GRID1: variants seen among roughly 807,000 people sequenced by gnomAD.
GRID1 encodes glutamate receptor ionotropic, delta-1.
GRID1 carries 28 observed loss-of-function variants against 98.0 expected under a neutral mutation model. The observed-to-expected ratio is 0.29, with a 90% CI of 0.21 to 0.39. The LOEUF (loss-of-function observed/expected upper bound fraction) is 0.39. GRID1 is among the 10% of genes least tolerant of loss of function. GRID1 has a pLI of 1.00. For synonymous variants in GRID1, 553 were observed against 538.5 expected, an observed-to-expected ratio of 1.03 and a Z score of -0.37; for missense variants, 1,111 against 1,340.5, an observed-to-expected ratio of 0.83 and a Z score of 2.67.
intron 8 of GRID1, among the ~76,000 whole-genome samples, chr10:85,826,896 A>C (rs187895251): frequency 6.6e-6 from 1 of 152,166 alleles, no homozygotes; most frequent in Non-Finnish European, 1.5e-5. Context: ...TCTTCCCGAA[A>C]TAAAGCTAGT....
chr10:86,175,599 C>A (rs902796472), intron 3 of GRID1, among the ~76,000 whole-genome samples: 2 of 152,226 alleles, frequency 1.3e-5, no homozygotes, highest in Non-Finnish European at 2.9e-5. Flanking sequence ...CCGCTGTTAA[C>A]CCGGTGGTTG....
intron 8 of GRID1, among the ~76,000 whole-genome samples, chr10:85,830,644 G>C (rs1355826120): frequency 6.6e-6 from 1 of 152,016 alleles, no homozygotes; most frequent in East Asian, 1.9e-4. Context: ...CCATTAAAAA[G>C]TGGGAAAAGG....
At position 85,824,413 on chromosome 10, in the gene GRID1, T is replaced by C. The variant is rs117111210; in HGVS notation, c.1233+30083A>G. Among the ~76,000 whole-genome samples, 1,182 of 152,326 alleles carry C rather than the reference T, an allele frequency of 7.8e-3. 29 individuals carry two copies. In the East Asian group the frequency reaches 0.08, roughly 10 times the overall value. On this transcript the variant is annotated intron_variant, in intron 8 of 15. Transcript: ENST00000327946. ...TTCTAGTAGAGATGGTGCTTCACCA[T>C]GTTGGCCAGGCTAGTCTCGAATTCC... is the stretch of plus-strand genomic sequence containing the variant.
intron 4 of GRID1, among the ~76,000 whole-genome samples, chr10:86,113,106 G>A (rs1311972748): frequency 6.6e-6 from 1 of 152,130 alleles, no homozygotes; most frequent in Non-Finnish European, 1.5e-5. Context: ...AATGATATTT[G>A]TTCTGCTTTC....
In GRID1 at chr10:85,602,000, A is replaced by C; in HGVS notation, c.*273T>G. On this transcript the variant is annotated 3_prime_UTR_variant, in exon 16 of 16. Transcript: ENST00000327946. The stretch of plus-strand genomic sequence containing the variant: ...TTGGCACTTCAGAATGATCACAAGT[A>C]ATTTGCCTTTTTATTCATATAGAAC... 1 of 383,230 alleles carries C rather than the reference A, an allele frequency of 2.6e-6. No individual in the cohort carries two copies. Among genetic ancestry groups the C allele is most frequent in the East Asian group, 3.8e-5 (1 of 26,310 alleles). The allele number at this position is 383,230 out of a possible 1,614,324, so 23.7% of individuals were successfully genotyped here.
chr10:86,033,385 C>A (rs1454879830), intron 4 of GRID1, among the ~76,000 whole-genome samples: 1 of 152,150 alleles, frequency 6.6e-6, no homozygotes, highest in African/African-American at 2.4e-5. Context: ...GTCATGGAAG[C>A]CCATGAGGAT....
rs373068821 is a variant in GRID1 at position 85,669,896 on chromosome 10, G to T, written c.1998-22499C>A. On this transcript the variant is annotated intron_variant, in intron 12 of 15. Coordinates refer to ENST00000327946, the MANE Select transcript of GRID1 (RefSeq NM_017551.3). ...AGCTTAGGGAAAGTAGACTGCTCTG[G>T]CTTGATTCTGCTTTTCATGCAGCAT... Among the ~76,000 whole-genome samples, 7 of 152,304 alleles carry T rather than the reference G, an allele frequency of 4.6e-5. No homozygotes were observed. The East Asian group carries it at 9.6e-4, about 21-fold the overall frequency.
intron 4 of GRID1, among the ~76,000 whole-genome samples, chr10:85,958,696 A>T (rs1394974818): frequency 6.6e-6 from 1 of 152,124 alleles, no homozygotes; most frequent in African/African-American, 2.4e-5. Flanking sequence ...GGTGGCTCAC[A>T]CCTGTAATCC....
intron 8 of GRID1, among the ~76,000 whole-genome samples, chr10:85,767,445 T>C (rs757833549): frequency 7.9e-5 from 12 of 152,230 alleles, no homozygotes; most frequent in Non-Finnish European, 1.5e-4. Flanking sequence ...AAAATTCAAA[T>C]AATTTAAATA....
chr10:85,794,011 C>A (rs894054526), intron 8 of GRID1, among the ~76,000 whole-genome samples: 1 of 152,204 alleles, frequency 6.6e-6, no homozygotes, highest in Non-Finnish European at 1.5e-5. Flanking sequence ...ATAGATTTAA[C>A]ATGCAGCATT....
chr10:86,148,688 TATGC>T (rs1249826185), intron 3 of GRID1, among the ~76,000 whole-genome samples: 1 of 152,160 alleles, frequency 6.6e-6, no homozygotes, highest in Non-Finnish European at 1.5e-5. Context: ...TTCCACAATG[TATGC>T]ATACATCAAA....
intron 2 of GRID1, among the ~76,000 whole-genome samples, chr10:86,354,271 T>A (rs1848503659): frequency 6.6e-6 from 1 of 152,210 alleles, no homozygotes; most frequent in Non-Finnish European, 1.5e-5. Context: ...AAGGCCGGTG[T>A]CTCAGCCCGG....
At chr10:86,105,435 C>T (rs574676479) in intron 4 of GRID1, among the ~76,000 whole-genome samples, 20 of 152,324 alleles carry the variant, frequency 1.3e-4, no homozygotes, top group African/African-American at 4.6e-4. Context: ...GATTCTGCAC[C>T]ACGCTATCTC....
intron 8 of GRID1, among the ~76,000 whole-genome samples, chr10:85,747,736 AG>A (rs1345411505): frequency 6.6e-6 from 1 of 152,212 alleles, no homozygotes; most frequent in African/African-American, 2.4e-5. Context: ...CAAGAGACAG[AG>A]ATTTTGAAAG....
At chr10:86,232,336 G>C (rs1359129494) in intron 2 of GRID1, among the ~76,000 whole-genome samples, 10 of 152,224 alleles carry the variant, frequency 6.6e-5, no homozygotes, top group Non-Finnish European at 1.0e-4. Flanking sequence ...TCTCTGGCTG[G>C]CAGTCACTGG....
chr10:86,194,086 T>A (rs1285320245), intron 3 of GRID1, among the ~76,000 whole-genome samples: 1 of 152,100 alleles, frequency 6.6e-6, no homozygotes, highest in Non-Finnish European at 1.5e-5. Flanking sequence ...CCAGAACACT[T>A]CTCCTTTCTC....
chr10:86,036,484 G>A (rs1045696217), intron 4 of GRID1, among the ~76,000 whole-genome samples: 2 of 152,116 alleles, frequency 1.3e-5, no homozygotes, highest in Admixed American at 6.5e-5. Context: ...TGACCACATC[G>A]CCGTTCCCCT....
At chr10:86,225,933 C>T (rs943084289) in intron 2 of GRID1, among the ~76,000 whole-genome samples, 5 of 152,082 alleles carry the variant, frequency 3.3e-5, no homozygotes, top group African/African-American at 7.2e-5. Context: ...TGCAGGCATT[C>T]GTGGGGTCTT....
chr10:85,676,916 G>A (rs1841151738), intron 12 of GRID1, among the ~76,000 whole-genome samples: 1 of 152,204 alleles, frequency 6.6e-6, no homozygotes, highest in South Asian at 2.1e-4. Flanking sequence ...GGCAGAGCTA[G>A]CAGAACCATC....
Sources: gnomAD v4.1 joint callset for allele counts (sites outside exome capture counted in the v4.1 genomes callset) on GRCh38, gnomAD v4.1.1 for gene constraint, MANE v1.5 for transcripts, NCBI Gene and HGNC (gene_info 2026-07-23, HGNC 2026-07-21) for gene names.